Variants in SLTM observed in about 807,000 individuals in gnomAD.
SLTM encodes the protein SAFB-like transcription modulator.
Under a neutral mutation model 134.6 loss-of-function variants are expected in SLTM, and 43 were observed. The observed-to-expected ratio is 0.32, with a 90% CI of 0.25 to 0.41. The LOEUF (loss-of-function observed/expected upper bound fraction) is 0.41, where lower values mean the gene tolerates loss of function less well. Ranked by LOEUF, SLTM falls within the 10% of genes least tolerant of loss-of-function variation. The pLI is 1.00. For synonymous variants in SLTM, 424 were observed against 432.3 expected, an observed-to-expected ratio of 0.98 and a Z score of 0.24; for missense variants, 1,055 against 1,288.8, an observed-to-expected ratio of 0.82 and a Z score of 2.78.
intron 1 of SLTM, 111 bp downstream of exon 1, chr15:58,933,293 T>C (rs904534190): frequency 3.2e-6 from 4 of 1,245,600 alleles, no homozygotes; most frequent in Non-Finnish European, 1.1e-6. Context: ...TACCATGCCG[T>C]TCCGCAGGTC....
chr15:58,914,096 T>C (rs192908423), intron 3 of SLTM, among the ~76,000 whole-genome samples: 1 of 152,344 alleles, frequency 6.6e-6, no homozygotes, highest in Admixed American at 6.5e-5. Context: ...TTATTTCTAA[T>C]AATAAAGAAC....
At chr15:58,883,171 T>C (rs971253383) in intron 20 of SLTM, among the ~76,000 whole-genome samples, 1 of 152,074 alleles carries the variant, frequency 6.6e-6, no homozygotes, top group Admixed American at 6.6e-5. Flanking sequence ...AAAAATTAGC[T>C]GGGCATGGTG....
At chr15:58,897,763 C>T (rs778572682) in intron 8 of SLTM, among the ~76,000 whole-genome samples, 1 of 152,024 alleles carries the variant, frequency 6.6e-6, no homozygotes, top group Admixed American at 6.5e-5. Context: ...AGCTGGATAA[C>T]TCTAGATTCG....
At position 58,932,399 on chromosome 15, in the gene SLTM, A is replaced by T. The variant is rs2037939534; in HGVS notation, c.207T>A (p.Thr69=). The T allele has an allele frequency of 6.2e-7, 1 of 1,613,714 alleles. No individual in the cohort carries two copies. Among genetic ancestry groups the T allele is most frequent in the Non-Finnish European group, 8.5e-7 (1 of 1,179,636 alleles). The part of the protein sequence containing the change: ...EGGDPDNIEL[T]VSTDTPNKKP... The stretch of plus-strand genomic sequence containing the variant: ...TCTTGTTTGGAGTATCAGTTGAAAC[A>T]GTTAATTCAATATTATCTGGATCGC... The change falls in exon 2 of 21, where the codon ACT becomes ACA. Residue 69 remains threonine (T), a synonymous_variant. Coordinates refer to ENST00000380516, the MANE Select transcript of SLTM (RefSeq NM_024755.4).
intron 20 of SLTM, 106 bp from the exon 21 acceptor site, chr15:58,880,213 CT>C (rs1794206551): frequency 2.1e-6 from 3 of 1,425,980 alleles, no homozygotes; most frequent in Admixed American, 4.8e-5. Context: ...ATCATTTACT[CT>C]TTTCAACAGT....
At chr15:58,895,152 G>A (rs2141003016) in intron 9 of SLTM, among the ~76,000 whole-genome samples, 1 of 152,244 alleles carries the variant, frequency 6.6e-6, no homozygotes, top group African/African-American at 2.4e-5. Context: ...CATCAATGAA[G>A]TAATGGCACA....
Position 58,913,629 on chromosome 15 carries a change from T to C in SLTM, c.383A>G (p.Glu128Gly). 4 of 1,613,658 alleles carry C rather than the reference T, an allele frequency of 2.5e-6. No homozygotes were observed. The highest frequency in any genetic ancestry group is 3.4e-6 in the Non-Finnish European group (4 of 1,179,844). ...DGNDELKDSE[E>G]FGENEEENVH... ...ATTTTCTTCTTCATTTTCACCAAAT[T>C]CTTCAGAGTCCTTTAGTTCATCATT... Residue 128 changes from glutamate to glycine, a missense_variant, in exon 4 of 21, where the codon GAA becomes GGA. Physicochemically the swap from Glu to Gly is moderately conservative, Grantham distance 98. Transcript: ENST00000380516.
At chr15:58,904,544 AT>A (rs34047153) in intron 5 of SLTM, among the ~76,000 whole-genome samples, 331 of 138,638 alleles carry the variant, frequency 2.4e-3, no homozygotes, top group East Asian at 3.4e-3. Context: ...TGCTCTAAGA[AT>A]TTTTTTTTTT....
At chr15:58,882,289 T>G (rs77354481) in intron 20 of SLTM, among the ~76,000 whole-genome samples, 161 of 151,522 alleles carry the variant, frequency 1.1e-3, no homozygotes, top group Non-Finnish European at 1.8e-3. Context: ...CACTATCAAA[T>G]TGAAAGAAAC....
At position 58,924,194 on chromosome 15, in the gene SLTM, A is replaced by C. The variant is rs534606033; in HGVS notation, c.251-7195T>G. 1.8e-4 allele frequency among the ~76,000 whole-genome samples: 27 copies of C among 152,350 alleles called. No homozygotes were observed. In the South Asian group the frequency reaches 5.6e-3, roughly 32 times the overall value. On this transcript the variant is annotated intron_variant, in intron 2 of 20. Coordinates refer to ENST00000380516, the MANE Select transcript of SLTM (RefSeq NM_024755.4). ...AACATAATCTGAATAACAAAATAAA[A>C]AATGAAAGCAAGATTAACCTATCAC... is the stretch of plus-strand genomic sequence containing the variant.
At chr15:58,933,223 C>T (rs1358662874) in intron 1 of SLTM, among the ~76,000 whole-genome samples, 181 bp downstream of exon 1, 1 of 151,524 alleles carries the variant, frequency 6.6e-6, no homozygotes, top group South Asian at 2.1e-4. Context: ...GGGCGCGGGG[C>T]GGGGGCACCG....
At position 58,886,910 on chromosome 15, in the gene SLTM, G is replaced by A. The variant is rs1266375728; in HGVS notation, c.2835+65C>T. ...ACATCAAAATGCTACTGTATATCCA[G>A]AGTAGCTCATGAATCCTCTAAATGT... On this transcript the variant is annotated intron_variant, in intron 19 of 20. Coordinates refer to ENST00000380516, the MANE Select transcript of SLTM (RefSeq NM_024755.4). 1.9e-6 allele frequency: 3 copies of A among 1,582,910 alleles called. No homozygotes were observed. The African/African-American group carries it at 4.0e-5, about 21-fold the overall frequency.
chr15:58,931,077 T>TAGA (rs2037846481), intron 2 of SLTM, among the ~76,000 whole-genome samples: 2 of 152,346 alleles, frequency 1.3e-5, no homozygotes, highest in Admixed American at 6.5e-5. Flanking sequence ...CCTGATATAC[T>TAGA]TATTTCTGAA....
chr15:58,881,074 T>C (rs1333272420), intron 20 of SLTM, among the ~76,000 whole-genome samples: 1 of 151,912 alleles, frequency 6.6e-6, no homozygotes, highest in African/African-American at 2.4e-5. Flanking sequence ...ATCCCAGCAC[T>C]TTGGGAGGCC....
intron 4 of SLTM, 21 bp from the exon 5 acceptor site, chr15:58,912,631 T>G (rs1461904258): frequency 3.8e-6 from 6 of 1,581,010 alleles, no homozygotes; most frequent in Non-Finnish European, 5.2e-6. Context: ...GGGTATACAA[T>G]AGCTTTGCTT....
Position 58,902,388 on chromosome 15 carries a change from TG to T in SLTM, c.562-1102del, listed in dbSNP as rs1567128686. 1.2e-4 allele frequency among the ~76,000 whole-genome samples: 4 copies of T among 32,238 alleles called. 1 individual carries two copies. Among genetic ancestry groups the T allele is most frequent in the African/African-American group, 4.0e-4 (4 of 9,938 alleles). The allele number at this position is 32,238 out of a possible 152,430, so 21.1% of individuals were successfully genotyped here. A position where few individuals can be genotyped will look rare whatever the true frequency, so the allele number is the denominator to read the frequency against. On this transcript the variant is annotated intron_variant, in intron 5 of 20. Coordinates refer to ENST00000380516, the MANE Select transcript of SLTM (RefSeq NM_024755.4). ...CGCTTGGCTTAAGAAATGTTTTGAT[TG>T]TTTTTTTTTTTTTTTAAACAGGTTC...
chr15:58,887,516 A>G lies in SLTM; in HGVS notation c.2400T>C (p.Ser800=). 1 of 1,611,730 alleles carries G rather than the reference A, an allele frequency of 6.2e-7. No homozygotes were observed. The highest frequency in any genetic ancestry group is 1.1e-5 in the South Asian group (1 of 91,002). ...FERRDRFVGQ[S]EGKKARPTAR... ...CAGTAGGTCGTGCTTTTTTCCCCTC[A>G]CTTTGACCAACAAAGCGATCCCGCC... The change falls in exon 18 of 21, where the codon AGT becomes AGC. Residue 800 remains serine (S), a synonymous_variant. Coordinates refer to ENST00000380516, the MANE Select transcript of SLTM (RefSeq NM_024755.4).
intron 14 of SLTM, among the ~76,000 whole-genome samples, chr15:58,892,316 C>A (rs2034714142): frequency 6.6e-6 from 1 of 152,148 alleles, no homozygotes; most frequent in African/African-American, 2.4e-5. Flanking sequence ...TTTATATTTT[C>A]CGTTTGTTTT....
chr15:58,911,310 C>A (rs1469298996), intron 5 of SLTM, among the ~76,000 whole-genome samples: 1 of 152,114 alleles, frequency 6.6e-6, no homozygotes, highest in East Asian at 1.9e-4. Flanking sequence ...AAGTAGTCCA[C>A]AAACACAAGC....
Sources: allele counts gnomAD v4.1 joint callset (sites outside exome capture counted in the v4.1 genomes callset), GRCh38; gene constraint gnomAD v4.1.1; transcripts MANE v1.5; gene names NCBI Gene and HGNC (gene_info 2026-07-23, HGNC 2026-07-21).